The following CTNNA2 variants were observed in gnomAD, a reference collection of about 807,000 sequenced individuals.
CTNNA2 encodes the protein catenin alpha-2.
Under a neutral mutation model 101.0 loss-of-function variants are expected in CTNNA2, and 42 were observed. The observed-to-expected ratio is 0.42, with a 90% CI of 0.32 to 0.54. The LOEUF is 0.54. CTNNA2 is among the 20% of genes least tolerant of loss of function. The pLI is 0.14. For synonymous variants in CTNNA2, 450 were observed against 456.4 expected (o/e 0.99, Z 0.18); for missense variants, 871 against 1,223.1 (o/e 0.71, Z 4.29).
chr2:80,259,339 G>A (rs944760114), intron 7 of CTNNA2, among the ~76,000 whole-genome samples: 1 of 152,144 alleles, frequency 6.6e-6, no homozygotes, highest in Non-Finnish European at 1.5e-5. Context: ...AGACGGAACT[G>A]CACAGAATAA....
intron 7 of CTNNA2, among the ~76,000 whole-genome samples, chr2:80,388,976 T>C (rs17340010): frequency 0.028 from 4,222 of 152,334 alleles, 82 homozygotes; most frequent in Non-Finnish European, 0.042. Context: ...CTCTTAGAAA[T>C]ATCTCAGACT....
At chr2:80,146,094 C>A (rs1703316188) in intron 7 of CTNNA2, among the ~76,000 whole-genome samples, 1 of 152,270 alleles carries the variant, frequency 6.6e-6, no homozygotes, top group South Asian at 2.1e-4. Flanking sequence ...GCTGTGAAAA[C>A]CTCAAGCCAT....
chr2:79,503,971 A>C (rs1671357828), intron 4 of CTNNA2, among the ~76,000 whole-genome samples: 1 of 152,142 alleles, frequency 6.6e-6, no homozygotes, highest in Admixed American at 6.6e-5. Context: ...GGAATGAAGG[A>C]GGTTTCCTGA....
intron 7 of CTNNA2, among the ~76,000 whole-genome samples, chr2:80,106,538 T>G (rs1232849526): frequency 6.6e-6 from 1 of 152,118 alleles, no homozygotes; most frequent in Non-Finnish European, 1.5e-5. Context: ...AAGTAGCACG[T>G]TTAATCCTGG....
chr2:79,437,989 G>GC (rs1451900258), intron 4 of CTNNA2, among the ~76,000 whole-genome samples: 1 of 152,038 alleles, frequency 6.6e-6, no homozygotes. Context: ...ACTCCAATCA[G>GC]CCACCCGTGC....
chr2:80,547,802 G>T (rs187169240), intron 11 of CTNNA2, among the ~76,000 whole-genome samples: 8 of 146,588 alleles, frequency 5.5e-5, no homozygotes, highest in African/African-American at 2.0e-4. Context: ...CTGTTTTCCC[G>T]CCTCAGCCTC....
intron 2 of CTNNA2, among the ~76,000 whole-genome samples, chr2:79,280,755 A>G (rs1369250694): frequency 6.6e-6 from 1 of 151,138 alleles, no homozygotes; most frequent in Non-Finnish European, 1.5e-5. Flanking sequence ...ACCCTTGTGC[A>G]GCTCTTTCTG....
At chr2:79,788,056 C>T (rs1188211126) in intron 3 of CTNNA2, among the ~76,000 whole-genome samples, 6 of 152,064 alleles carry the variant, frequency 3.9e-5, no homozygotes, top group Middle Eastern at 3.2e-3. Context: ...AGGGTATGTC[C>T]GACATGTGGA....
At chr2:80,141,531 T>C (rs1703010965) in intron 7 of CTNNA2, among the ~76,000 whole-genome samples, 1 of 152,098 alleles carries the variant, frequency 6.6e-6, no homozygotes, top group East Asian at 1.9e-4. Context: ...GCTCTGCCTC[T>C]TGCCGGCCTC....
chr2:79,622,646 C>G (rs1306454851), intron 1 of CTNNA2, among the ~76,000 whole-genome samples: 1 of 152,206 alleles, frequency 6.6e-6, no homozygotes, highest in Non-Finnish European at 1.5e-5. Flanking sequence ...GAGTTCAACA[C>G]AGGCCTTTCT....
intron 1 of CTNNA2, among the ~76,000 whole-genome samples, 183 bp downstream of exon 1, chr2:79,513,390 T>C (rs1299577427): frequency 6.7e-6 from 1 of 150,002 alleles, no homozygotes; most frequent in East Asian, 2.0e-4. Context: ...TTTCTTCCTC[T>C]CTCCCAGCCC....
At chr2:80,326,592 A>ATTTAGATTGGCCT (rs1339740895) in intron 7 of CTNNA2, among the ~76,000 whole-genome samples, 5 of 152,148 alleles carry the variant, frequency 3.3e-5, no homozygotes, top group Admixed American at 3.3e-4. Flanking sequence ...GTGAAGGCCA[A>ATTTAGATTGGCCT]TCTAAGTGTG....
At chr2:79,346,209 C>G (rs544445217) in intron 3 of CTNNA2, among the ~76,000 whole-genome samples, 7 of 152,104 alleles carry the variant, frequency 4.6e-5, no homozygotes, top group African/African-American at 1.7e-4. Flanking sequence ...TGGCCTGCTC[C>G]GCTAAGCATT....
At chr2:79,292,032 A>G (rs1004099348) in intron 2 of CTNNA2, among the ~76,000 whole-genome samples, 9 of 152,114 alleles carry the variant, frequency 5.9e-5, no homozygotes, top group Admixed American at 2.0e-4. Context: ...GGGGTGGTTG[A>G]TTGGCTGTTG....
intron 2 of CTNNA2, among the ~76,000 whole-genome samples, chr2:79,714,058 C>T (rs965842080): frequency 6.6e-6 from 1 of 152,102 alleles, no homozygotes; most frequent in Non-Finnish European, 1.5e-5. Context: ...CTTGTCCCTC[C>T]ACCTGGTGCC....
At chr2:80,296,728 G>C (rs1289594319) in intron 7 of CTNNA2, among the ~76,000 whole-genome samples, 6 of 152,094 alleles carry the variant, frequency 3.9e-5, no homozygotes, top group Non-Finnish European at 7.4e-5. Flanking sequence ...TGACATTTTA[G>C]GTCAAATAAT....
At chr2:79,883,372 A>G (rs1451466468) in intron 6 of CTNNA2, among the ~76,000 whole-genome samples, 2 of 152,210 alleles carry the variant, frequency 1.3e-5, no homozygotes, top group Non-Finnish European at 2.9e-5. Flanking sequence ...ATCTACATGA[A>G]TAGTTGATGT....
intron 1 of CTNNA2, among the ~76,000 whole-genome samples, chr2:79,570,730 AAAG>A (rs1276476851): frequency 6.6e-6 from 1 of 152,210 alleles, no homozygotes; most frequent in Admixed American, 6.5e-5. Flanking sequence ...TAAATTAAAA[AAAG>A]AAAACAGATT....
chr2:80,202,242 G>C (rs1304148145), intron 7 of CTNNA2, among the ~76,000 whole-genome samples: 2 of 152,092 alleles, frequency 1.3e-5, no homozygotes, highest in African/African-American at 4.8e-5. Flanking sequence ...TAATCACCCA[G>C]ACATAGCTCA....
Sources: gnomAD v4.1 joint callset for allele counts (sites outside exome capture counted in the v4.1 genomes callset) on GRCh38, gnomAD v4.1.1 for gene constraint, MANE v1.5 for transcripts, NCBI Gene and HGNC (gene_info 2026-07-23, HGNC 2026-07-21) for gene names.